Variants in TACC2 observed in about 807,000 individuals in gnomAD.
TACC2 encodes the protein transforming acidic coiled-coil containing protein 2, also known as transforming acidic coiled-coil-containing protein 2.
TACC2 carries 137 observed loss-of-function variants against 227.3 expected under a neutral mutation model. The ratio of observed to expected loss-of-function variants is 0.60; its 90% confidence interval spans 0.52 to 0.69. TACC2 has a LOEUF of 0.69. TACC2 is among the 30% of genes least tolerant of loss of function. TACC2 has a pLI of 0.00. For missense variants in TACC2, 3,470 were observed against 3,694.4 expected (o/e 0.94, Z 1.57); for synonymous variants, 1,523 against 1,487.5 (o/e 1.02, Z -0.55).
chr10:122,215,684 G>T lies in TACC2; in HGVS notation c.7344+233G>T, dbSNP rs370875723. Reference sequence around the variant, plus strand: ...AAGACGTTCAGGAAAAACATTAGTTGGGCTCTGGAGGACCCACTCTGCTCC... The same window carrying T: ...AAGACGTTCAGGAAAAACATTAGTTTGGCTCTGGAGGACCCACTCTGCTCC... On this transcript the variant is annotated intron_variant, in intron 10 of 22. Coordinates refer to ENST00000369005, the MANE Select transcript of TACC2 (RefSeq NM_206862.4). Among the ~76,000 whole-genome samples the T allele has an allele frequency of 4.6e-5, 7 of 152,238 alleles. No individual in the cohort carries two copies. In the East Asian group the frequency reaches 1.2e-3, roughly 25 times the overall value.
In TACC2 at chr10:122,207,253, C is replaced by T. The variant is rs976727960; in HGVS notation, c.5972-3144C>T. Among the ~76,000 whole-genome samples the T allele has an allele frequency of 2.0e-5, 3 of 151,224 alleles. No individual in the cohort carries two copies. The East Asian group carries it at 5.8e-4, about 29-fold the overall frequency. On this transcript the variant is annotated intron_variant, in intron 8 of 22. Coordinates refer to ENST00000369005, the MANE Select transcript of TACC2 (RefSeq NM_206862.4). ...GGTGGAGGTTGTAGTGAGCTGAGATCGCACCACTGCACTCCAGCCTGGGTG... is the reference window on the plus strand; with the variant it reads ...GGTGGAGGTTGTAGTGAGCTGAGATTGCACCACTGCACTCCAGCCTGGGTG...
rs774455086 is a variant in TACC2 at position 122,248,602 on chromosome 10, T to C, written c.8393-41T>C. On this transcript the variant is annotated intron_variant, in intron 19 of 22. Transcript: ENST00000369005. ...CTGGCCCCAGAGACCCAGTTTGGAC[T>C]TTCTGGGCTCCATCATTTGGCTCCT... The C allele has an allele frequency of 2.5e-6, 4 of 1,611,010 alleles. No individual in the cohort carries two copies. The East Asian group carries it at 6.7e-5, about 27-fold the overall frequency.
At chr10:122,244,772 C>T (rs1274858740) in intron 19 of TACC2, among the ~76,000 whole-genome samples, 1 of 152,136 alleles carries the variant, frequency 6.6e-6, no homozygotes, top group African/African-American at 2.4e-5. Flanking sequence ...CAGCTCCAGC[C>T]CACATGTCTA....
At chr10:122,034,151 CAAAAA>C (rs137962512) in intron 2 of TACC2, among the ~76,000 whole-genome samples, 24 of 83,048 alleles carry the variant, frequency 2.9e-4, no homozygotes, top group African/African-American at 1.0e-3. Context: ...GACTCTGTCT[CAAAAA>C]AAAAAAAAAA....
At chr10:122,018,750 T>C (rs1430638390) in intron 1 of TACC2, among the ~76,000 whole-genome samples, 3 of 152,134 alleles carry the variant, frequency 2.0e-5, no homozygotes, top group African/African-American at 7.2e-5. Flanking sequence ...AATATTCCAT[T>C]GTATGGAGAG....
intron 1 of TACC2, chr10:122,019,879 A>G (rs1384271666): frequency 6.6e-6 from 1 of 152,166 alleles, no homozygotes. Context: ...ACCACCCCCG[A>G]ATGTAAGTAG....
At chr10:122,111,685 G>C (rs1434908685) in intron 5 of TACC2, among the ~76,000 whole-genome samples, 3 of 151,212 alleles carry the variant, frequency 2.0e-5, no homozygotes, top group Non-Finnish European at 4.4e-5. Flanking sequence ...TAGTAGAGAC[G>C]GGGTTTCACC....
At chr10:122,156,362 A>G (rs1592705617) in intron 7 of TACC2, among the ~76,000 whole-genome samples, 1 of 149,976 alleles carries the variant, frequency 6.7e-6, no homozygotes, top group Non-Finnish European at 1.5e-5. Flanking sequence ...TAACTGGGAC[A>G]ACAGGCACTC....
chr10:122,055,912 G>A (rs1033596364), intron 3 of TACC2, among the ~76,000 whole-genome samples: 4 of 152,186 alleles, frequency 2.6e-5, no homozygotes, highest in East Asian at 3.9e-4. Flanking sequence ...CTTGGTCAGC[G>A]GGGATGGCAC....
chr10:122,072,686 G>C (rs2078217283), intron 3 of TACC2, among the ~76,000 whole-genome samples: 1 of 152,198 alleles, frequency 6.6e-6, no homozygotes, highest in Non-Finnish European at 1.5e-5. Flanking sequence ...CGGTGCAGGT[G>C]TCAACCTACG....
At chr10:122,227,008 T>G (rs1005485701) in intron 13 of TACC2, among the ~76,000 whole-genome samples, 1 of 152,140 alleles carries the variant, frequency 6.6e-6, no homozygotes, top group African/African-American at 2.4e-5. Context: ...CTCAGCTTCC[T>G]TGAATGTAAA....
chr10:122,017,398 G>T (rs1046526873), intron 1 of TACC2, among the ~76,000 whole-genome samples: 2 of 152,132 alleles, frequency 1.3e-5, no homozygotes, highest in African/African-American at 2.4e-5. Flanking sequence ...CTCAGGAGTA[G>T]CCCCTAGTTC....
intron 7 of TACC2, among the ~76,000 whole-genome samples, chr10:122,158,682 A>G (rs2092641875): frequency 6.6e-6 from 1 of 152,224 alleles, no homozygotes; most frequent in African/African-American, 2.4e-5. Context: ...AGGAGAGAAC[A>G]AGAGAACCTT....
At chr10:122,028,748 C>CT (rs1958431674) in intron 2 of TACC2, among the ~76,000 whole-genome samples, 1 of 126,458 alleles carries the variant, frequency 7.9e-6, no homozygotes, top group Non-Finnish European at 1.7e-5. Flanking sequence ...CTCCCCTCTC[C>CT]TCCCTTCCCC....
At chr10:122,028,368 G>A (rs951317014) in intron 2 of TACC2, among the ~76,000 whole-genome samples, 41 of 152,154 alleles carry the variant, frequency 2.7e-4, no homozygotes, top group Middle Eastern at 3.4e-3. Context: ...GGGATTACAG[G>A]CGTGAGCCAC....
At chr10:122,243,425 A>G (rs545965158) in intron 19 of TACC2, among the ~76,000 whole-genome samples, 3 of 152,296 alleles carry the variant, frequency 2.0e-5, no homozygotes, top group African/African-American at 7.2e-5. Context: ...TAGTAGCCTC[A>G]GGAAGAGTGA....
chr10:122,036,733 G>C (rs1383313182), intron 2 of TACC2, among the ~76,000 whole-genome samples: 1 of 152,112 alleles, frequency 6.6e-6, no homozygotes, highest in Non-Finnish European at 1.5e-5. Flanking sequence ...GAATAATGCT[G>C]TGATGAATAT....
intron 2 of TACC2, among the ~76,000 whole-genome samples, chr10:122,031,397 C>CT (rs758476678): frequency 0.081 from 7,446 of 91,550 alleles, 587 homozygotes; most frequent in African/African-American, 0.16. Context: ...GGTCTAGCCT[C>CT]TTTTTTTTTT....
At chr10:122,188,279 T>G (rs755562267) in intron 7 of TACC2, among the ~76,000 whole-genome samples, 3 of 152,054 alleles carry the variant, frequency 2.0e-5, no homozygotes, top group Non-Finnish European at 4.4e-5. Context: ...AGTTTATTTA[T>G]TTATTTATTT....
Sources: allele counts gnomAD v4.1 joint callset (sites outside exome capture counted in the v4.1 genomes callset), GRCh38; gene constraint gnomAD v4.1.1; transcripts MANE v1.5; gene names NCBI Gene and HGNC (gene_info 2026-07-23, HGNC 2026-07-21).